Variants in NUTM2B observed in about 807,000 individuals in gnomAD.
NUTM2B encodes NUT family member 2B, also known as family with sequence similarity 22, member B.
A neutral mutation model predicts 42.4 loss-of-function variants in NUTM2B; 2 were observed. The ratio of observed to expected loss-of-function variants is 0.05; its 90% confidence interval spans 0.02 to 0.15. The LOEUF (loss-of-function observed/expected upper bound fraction) is 0.15, where lower values mean the gene tolerates loss of function less well. NUTM2B is among the 10% of genes least tolerant of loss of function. The pLI, the probability that NUTM2B is intolerant of heterozygous loss-of-function variation, is 1.00. For missense variants in NUTM2B, 58 were observed against 952.6 expected, an observed-to-expected ratio of 0.06 and a Z score of 12.36; for synonymous variants, 18 against 402.4, an observed-to-expected ratio of 0.04 and a Z score of 11.43.
the NUTM2B span, among the ~76,000 whole-genome samples, chr10:79,694,866 C>G: frequency 1.3e-5 from 2 of 152,246 alleles, no homozygotes; most frequent in Non-Finnish European, 2.9e-5. Flanking sequence ...CTCCTTGACT[C>G]TACCCTCCTC....
the NUTM2B span, among the ~76,000 whole-genome samples, chr10:79,696,194 C>T: frequency 6.7e-6 from 1 of 148,468 alleles, no homozygotes; most frequent in African/African-American, 2.5e-5. Context: ...TAATAAAATG[C>T]TCTCCAGGGG....
upstream of NUTM2B, among the ~76,000 whole-genome samples, chr10:79,701,813 G>A (rs1270133402): frequency 6.7e-6 from 1 of 149,902 alleles, no homozygotes; most frequent in African/African-American, 2.5e-5. Context: ...CTCCTCCTGG[G>A]GTCTAGGACT....
chr10:79,700,147 T>G (rs1227736152), upstream of NUTM2B, among the ~76,000 whole-genome samples: 1 of 152,246 alleles, frequency 6.6e-6, no homozygotes, highest in Non-Finnish European at 1.5e-5. Context: ...GCGAACAAAC[T>G]ATGACTAAAG....
chr10:79,702,627 C>A (rs1215491076), upstream of NUTM2B, among the ~76,000 whole-genome samples: 1 of 150,614 alleles, frequency 6.6e-6, no homozygotes, highest in Non-Finnish European at 1.5e-5. Flanking sequence ...GCAGTGTGCA[C>A]CGGTCTGGCT....
At chr10:79,698,038 G>A in the NUTM2B span, among the ~76,000 whole-genome samples, 5 of 151,068 alleles carry the variant, frequency 3.3e-5, no homozygotes, top group South Asian at 2.1e-4. Context: ...CAAATTCTGC[G>A]AGTATTACAT....
rs1840515845 is a variant in NUTM2B at position 79,712,372 on chromosome 10, G to T, written c.2524G>T (p.Val842Phe). ...ACCCTACCCAGGGCCTGGGCTCAGG[G>T]TCTCTGGGGAGCAATCCCTGACTTG... The change falls in exon 7 of 7, where the codon GTC becomes TTC. Residue 842 changes from valine to phenylalanine, a missense_variant. Physicochemically the swap from Val to Phe is conservative, Grantham distance 50. Coordinates refer to ENST00000429828, the Ensembl canonical transcript of NUTM2B. The T allele has an allele frequency of 2.1e-6, 3 of 1,414,224 alleles. 1 individual carries two copies. The highest frequency in any genetic ancestry group is 1.3e-5 in the South Asian group (1 of 74,836). The allele number at this position is 1,414,224 out of a possible 1,614,324, so 87.6% of individuals were successfully genotyped here.
At chr10:79,695,207 C>T in the NUTM2B span, among the ~76,000 whole-genome samples, 160 of 152,242 alleles carry the variant, frequency 1.1e-3, 1 homozygote, top group Middle Eastern at 3.4e-3. Context: ...ATGCTTTCCA[C>T]AAGAAGTCAG....
At chr10:79,700,139 G>A (rs1840285974), upstream of NUTM2B, among the ~76,000 whole-genome samples, 2 of 152,206 alleles carry the variant, frequency 1.3e-5, no homozygotes, top group East Asian at 1.9e-4. Context: ...GCTACCAAGC[G>A]AACAAACTAT....
At chr10:79,702,018 TATG>T (rs1840322299), upstream of NUTM2B, among the ~76,000 whole-genome samples, 4 of 148,626 alleles carry the variant, frequency 2.7e-5, 1 homozygote, top group South Asian at 8.9e-4. Context: ...AGTATCTGAG[TATG>T]ATATTTTGCT....
chr10:79,700,826 C>A (rs1445423440), upstream of NUTM2B, among the ~76,000 whole-genome samples: 1 of 152,216 alleles, frequency 6.6e-6, no homozygotes, highest in Admixed American at 6.5e-5. Flanking sequence ...GCACACGGGG[C>A]AGGCCAGGAG....
At chr10:79,694,724 C>A in the NUTM2B span, among the ~76,000 whole-genome samples, 9 of 152,192 alleles carry the variant, frequency 5.9e-5, no homozygotes, top group African/African-American at 2.2e-4. Flanking sequence ...TCAGGGGAAA[C>A]CGAATCCATT....
At chr10:79,698,156 C>A in the NUTM2B span, among the ~76,000 whole-genome samples, 8 of 126,146 alleles carry the variant, frequency 6.3e-5, no homozygotes, top group Non-Finnish European at 4.9e-5. Context: ...AGATAAAACC[C>A]ATACAATACA....
upstream of NUTM2B, among the ~76,000 whole-genome samples, chr10:79,701,581 G>A (rs1408239224): frequency 4.0e-5 from 6 of 151,490 alleles, no homozygotes; most frequent in African/African-American, 9.7e-5. Flanking sequence ...TGCAGAGTCT[G>A]AGAGCTCTGC....
chr10:79,694,352 C>T, the NUTM2B span, among the ~76,000 whole-genome samples: 3 of 149,146 alleles, frequency 2.0e-5, no homozygotes, highest in South Asian at 2.1e-4. Context: ...GAGCCGAGAT[C>T]GTGCCACTGC....
chr10:79,711,376 G>GTCCCTCCTGCCCCT lies in NUTM2B; in HGVS notation c.1851+10_1851+11insTCCCTCCTGCCCCT. The GTCCCTCCTGCCCCT allele has an allele frequency of 7.2e-7, 1 of 1,382,100 alleles. No homozygotes were observed. The highest frequency in any genetic ancestry group is 1.0e-6 in the Non-Finnish European group (1 of 989,926). The allele number at this position is 1,382,100 out of a possible 1,614,324, so 85.6% of individuals were successfully genotyped here. On this transcript the variant is annotated intron_variant, in intron 6 of 6. Coordinates refer to ENST00000429828, the Ensembl canonical transcript of NUTM2B. Reference sequence around the variant, plus strand: ...ACTCACCCTTGCCCAGGTACCCCAGGGGCAGGAGGGACCTGGCACACAAGG... The same window carrying GTCCCTCCTGCCCCT: ...ACTCACCCTTGCCCAGGTACCCCAGGTCCCTCCTGCCCCTGGCAGGAGGGACCTGGCACACAAGG...
At chr10:79,694,423 G>A in the NUTM2B span, among the ~76,000 whole-genome samples, 36,683 of 146,872 alleles carry the variant, frequency 0.25, 5,484 homozygotes, top group East Asian at 0.68. Context: ...GAAAGAAAAG[G>A]AAAAAAAAGA....
upstream of NUTM2B, among the ~76,000 whole-genome samples, chr10:79,700,496 G>A (rs1292868848): frequency 6.6e-6 from 1 of 152,258 alleles, no homozygotes; most frequent in Admixed American, 6.5e-5. Flanking sequence ...CGTCCCGCAG[G>A]GCCCCCACTA....
chr10:79,692,225 G>A, the NUTM2B span, among the ~76,000 whole-genome samples: 6 of 152,320 alleles, frequency 3.9e-5, no homozygotes, highest in East Asian at 3.9e-4. Flanking sequence ...GTTATGTTCC[G>A]TATGGACTAG....
chr10:79,707,238 G>A (rs538202203), intron 2 of NUTM2B, among the ~76,000 whole-genome samples: 3 of 132,616 alleles, frequency 2.3e-5, no homozygotes, highest in African/African-American at 8.6e-5. Flanking sequence ...GGATGGTCTC[G>A]GGCCCTGCAC....
Sources: allele counts gnomAD v4.1 joint callset (sites outside exome capture counted in the v4.1 genomes callset), GRCh38; gene constraint gnomAD v4.1.1; transcripts MANE v1.5; gene names NCBI Gene and HGNC (gene_info 2026-07-23, HGNC 2026-07-21).